The following FANCC variants were observed in gnomAD, a reference collection of about 807,000 sequenced individuals.
FANCC encodes FA complementation group C, also known as Fanconi anemia group C protein.
Under a neutral mutation model 71.3 loss-of-function variants are expected in FANCC, and 55 were observed. The ratio of observed to expected loss-of-function variants is 0.77; its 90% CI spans 0.62 to 0.97. The LOEUF (loss-of-function observed/expected upper bound fraction) is 0.97, where lower values mean the gene tolerates loss of function less well. Ranked by LOEUF, FANCC falls within the 50% of genes least tolerant of loss-of-function variation. The probability of loss-of-function intolerance (pLI) is 0.00; values close to 1 mark genes in which losing one functional copy is unlikely to be tolerated. For missense variants in FANCC, 678 were observed against 670.9 expected (o/e 1.01, Z -0.12); for synonymous variants, 275 against 244.9 (o/e 1.12, Z -1.15).
chr9:95,205,391 T>G (rs1456188976), intron 4 of FANCC, among the ~76,000 whole-genome samples: 1 of 152,154 alleles, frequency 6.6e-6, no homozygotes, highest in East Asian at 1.9e-4. Flanking sequence ...TTAAAAAACT[T>G]GACAACTGTC....
intron 6 of FANCC, among the ~76,000 whole-genome samples, chr9:95,151,067 G>A (rs1205819132): frequency 6.6e-6 from 1 of 152,188 alleles, no homozygotes; most frequent in Non-Finnish European, 1.5e-5. Flanking sequence ...CACATTTACA[G>A]GATGTGCCTG....
chr9:95,108,115 G>C (rs1029685059), intron 13 of FANCC, among the ~76,000 whole-genome samples: 1 of 152,188 alleles, frequency 6.6e-6, no homozygotes, highest in African/African-American at 2.4e-5. Flanking sequence ...TCCCATGACC[G>C]ATTTTATGGA....
chr9:95,254,872 G>A (rs1010001512), intron 1 of FANCC, among the ~76,000 whole-genome samples: 2 of 152,206 alleles, frequency 1.3e-5, no homozygotes, highest in Admixed American at 1.3e-4. Context: ...GTCAACCTGG[G>A]ATGCTTGAGC....
intron 4 of FANCC, among the ~76,000 whole-genome samples, chr9:95,236,537 C>T (rs1219530089): frequency 6.6e-6 from 1 of 152,162 alleles, no homozygotes; most frequent in Admixed American, 6.5e-5. Flanking sequence ...AATGTGTTTC[C>T]AGTATAACAC....
At chr9:95,187,383 C>G (rs1826794626) in intron 4 of FANCC, among the ~76,000 whole-genome samples, 1 of 152,240 alleles carries the variant, frequency 6.6e-6, no homozygotes, top group Admixed American at 6.5e-5. Flanking sequence ...TGGCTCATCT[C>G]CAATGCCTGT....
At chr9:95,102,147 G>T (rs1410742931) in intron 14 of FANCC, among the ~76,000 whole-genome samples, 1 of 152,244 alleles carries the variant, frequency 6.6e-6, no homozygotes, top group East Asian at 1.9e-4. Context: ...CTTGCAATCA[G>T]AAGTGCTTCT....
chr9:95,165,046 A>G (rs544571522), intron 6 of FANCC, among the ~76,000 whole-genome samples: 1 of 151,500 alleles, frequency 6.6e-6, no homozygotes, highest in Non-Finnish European at 1.5e-5. Flanking sequence ...TATTTATTCT[A>G]GGTTATTCAA....
At chr9:95,151,934 AAAAAAACAAAAAAC>A (rs1237426198) in intron 6 of FANCC, among the ~76,000 whole-genome samples, 2 of 151,960 alleles carry the variant, frequency 1.3e-5, no homozygotes, top group African/African-American at 2.4e-5. Context: ...TCTCAAAAAA[AAAAAAACAAAAAAC>A]AAAAAACAAA....
intron 4 of FANCC, among the ~76,000 whole-genome samples, chr9:95,221,601 C>A (rs1294484879): frequency 6.6e-6 from 1 of 152,116 alleles, no homozygotes; most frequent in Non-Finnish European, 1.5e-5. Flanking sequence ...CAAGCCACAA[C>A]TGAGTGGATA....
rs193001398 is a variant in FANCC, at chr9:95,186,025, T to A, written c.346-13878A>T. On this transcript the variant is annotated intron_variant, in intron 4 of 14. Coordinates refer to ENST00000289081, the MANE Select transcript of FANCC (RefSeq NM_000136.3). ...ATTATTCAGCACTTTTTTGTTTTTG[T>A]TTTTTAGGAGATGGGCTCTCAGTAT... Among the ~76,000 whole-genome samples the A allele has an allele frequency of 4.5e-4, 69 of 152,276 alleles. 1 individual carries two copies. In the South Asian group the frequency reaches 6.2e-3, roughly 14 times the overall value.
At chr9:95,123,834 AT>A in intron 10 of FANCC, 1 of 656,654 alleles carries the variant, frequency 1.5e-6, no homozygotes, top group Non-Finnish European at 2.9e-6. Flanking sequence ...AGACCTGCGG[AT>A]GCTGCCCCAC....
At chr9:95,138,864 C>G (rs1828140405) in intron 7 of FANCC, among the ~76,000 whole-genome samples, 1 of 152,236 alleles carries the variant, frequency 6.6e-6, no homozygotes, top group Non-Finnish European at 1.5e-5. Context: ...GTGATGCGCC[C>G]ATTCTAGTTT....
intron 1 of FANCC, chr9:95,293,109 A>G (rs1313562720): frequency 1.2e-6 from 2 of 1,613,026 alleles, no homozygotes; most frequent in Non-Finnish European, 1.7e-6. Context: ...ACACCCAAGA[A>G]CTAGAAGCTT....
At chr9:95,130,143 C>T (rs1313591235) in intron 8 of FANCC, among the ~76,000 whole-genome samples, 1 of 152,144 alleles carries the variant, frequency 6.6e-6, no homozygotes, top group Non-Finnish European at 1.5e-5. Flanking sequence ...TGTGCCCGGT[C>T]CTTGATGTTT....
At chr9:95,186,273 T>C (rs1564733912) in intron 4 of FANCC, among the ~76,000 whole-genome samples, 1 of 152,220 alleles carries the variant, frequency 6.6e-6, no homozygotes, top group African/African-American at 2.4e-5. Flanking sequence ...ACCGATCACA[T>C]TTTCTCAGTG....
intron 1 of FANCC, chr9:95,292,364 G>A (rs940076951): frequency 1.9e-5 from 19 of 991,416 alleles, no homozygotes; most frequent in Non-Finnish European, 2.2e-5. Flanking sequence ...CGGTGGCGGC[G>A]GCGGGGTCCA....
intron 14 of FANCC, among the ~76,000 whole-genome samples, chr9:95,105,482 C>T (rs1338116296): frequency 6.6e-6 from 1 of 152,224 alleles, no homozygotes. Flanking sequence ...AGCCAGCATG[C>T]TGGTGCTTTT....
chr9:95,196,824 T>C (rs1827486666), intron 4 of FANCC, among the ~76,000 whole-genome samples: 1 of 152,216 alleles, frequency 6.6e-6, no homozygotes, highest in Non-Finnish European at 1.5e-5. Flanking sequence ...CGGACTCTAA[T>C]TTCTGCCCTC....
chr9:95,178,709 A>T (rs1209344014), intron 4 of FANCC, among the ~76,000 whole-genome samples: 1 of 152,290 alleles, frequency 6.6e-6, no homozygotes, highest in Non-Finnish European at 1.5e-5. Flanking sequence ...GGTGGTCAAC[A>T]CACGGACACA....
Sources: gnomAD v4.1 joint callset for allele counts (sites outside exome capture counted in the v4.1 genomes callset) on GRCh38, gnomAD v4.1.1 for gene constraint, MANE v1.5 for transcripts, NCBI Gene and HGNC (gene_info 2026-07-23, HGNC 2026-07-21) for gene names.